MACROD2: variants seen among roughly 807,000 people sequenced by gnomAD.
MACROD2 encodes ADP-ribose glycohydrolase MACROD2.
MACROD2 carries 36 observed loss-of-function variants against 70.4 expected under a neutral mutation model. The observed-to-expected ratio is 0.51, with a 90% CI of 0.39 to 0.68. The LOEUF (loss-of-function observed/expected upper bound fraction) is 0.68. Ranked by LOEUF, MACROD2 falls within the 30% of genes least tolerant of loss-of-function variation. The pLI, the probability that MACROD2 is intolerant of heterozygous loss-of-function variation, is 0.00. For missense variants in MACROD2, 496 were observed against 538.4 expected, an observed-to-expected ratio of 0.92 and a Z score of 0.78; for synonymous variants, 172 against 178.8, an observed-to-expected ratio of 0.96 and a Z score of 0.30.
At chr20:15,029,067 G>A (rs529146650) in intron 5 of MACROD2, among the ~76,000 whole-genome samples, 1 of 152,290 alleles carries the variant, frequency 6.6e-6, no homozygotes, top group East Asian at 1.9e-4. Flanking sequence ...GGCATGGGGA[G>A]CAAGTTCACA....
intron 4 of MACROD2, among the ~76,000 whole-genome samples, chr20:14,522,061 G>A (rs970190847): frequency 6.6e-6 from 1 of 152,152 alleles, no homozygotes; most frequent in East Asian, 1.9e-4. Context: ...TGAGAGGACA[G>A]GCAGGACTCC....
At chr20:14,489,836 A>G (rs2084774344) in intron 3 of MACROD2, among the ~76,000 whole-genome samples, 1 of 151,166 alleles carries the variant, frequency 6.6e-6, no homozygotes, top group Non-Finnish European at 1.5e-5. Context: ...CTGGGCAAAA[A>G]GAAAAAAAAT....
intron 8 of MACROD2, among the ~76,000 whole-genome samples, chr20:15,766,799 C>T (rs1373762184): frequency 6.6e-6 from 1 of 152,184 alleles, no homozygotes; most frequent in Non-Finnish European, 1.5e-5. Context: ...AGTATAATGG[C>T]TTAAAAACAG....
chr20:14,299,565 A>G (rs1434343942), intron 3 of MACROD2, among the ~76,000 whole-genome samples: 6 of 152,178 alleles, frequency 3.9e-5, no homozygotes, highest in Non-Finnish European at 8.8e-5. Flanking sequence ...AATATTATAT[A>G]CACTTAGTTG....
At chr20:15,619,559 C>T (rs3803976) in intron 8 of MACROD2, 36,286 of 410,594 alleles carry the variant, frequency 0.088, 2,197 homozygotes, top group East Asian at 0.12. Flanking sequence ...GGGATGTGGT[C>T]ACCAGTCATC....
intron 15 of MACROD2, among the ~76,000 whole-genome samples, chr20:16,018,081 A>G (rs998111551): frequency 1.3e-5 from 2 of 152,182 alleles, no homozygotes; most frequent in Non-Finnish European, 2.9e-5. Context: ...CATCAAATTC[A>G]TTTCACTTGA....
chr20:15,285,433 T>G (rs2077482021), intron 6 of MACROD2, among the ~76,000 whole-genome samples: 1 of 152,190 alleles, frequency 6.6e-6, no homozygotes. Flanking sequence ...TGAACTAGCT[T>G]TATCATCGTG....
intron 8 of MACROD2, among the ~76,000 whole-genome samples, chr20:15,823,510 G>C (rs988576998): frequency 9.2e-5 from 14 of 152,048 alleles, no homozygotes; most frequent in African/African-American, 2.7e-4. Flanking sequence ...TCCATTCTTT[G>C]ATCAAACATG....
intron 3 of MACROD2, among the ~76,000 whole-genome samples, chr20:14,143,597 T>C (rs2054905345): frequency 6.6e-6 from 1 of 152,180 alleles, no homozygotes; most frequent in African/African-American, 2.4e-5. Flanking sequence ...AGTGTGTTTA[T>C]TTCATTGTAA....
In MACROD2 at chr20:14,616,367, T is replaced by C. The variant is rs572894920; in HGVS notation, c.302-68476T>C. On this transcript the variant is annotated intron_variant, in intron 4 of 17. Coordinates refer to ENST00000684519, the MANE Select transcript of MACROD2 (RefSeq NM_001351661.2). ...TATCTTCCTTCTTCCCTGTCAAAAA[T>C]GGTCGCTTATACCACAGTGATGGTT... 5.9e-4 allele frequency among the ~76,000 whole-genome samples: 90 copies of C among 152,264 alleles called. 1 individual carries two copies. The highest frequency in any genetic ancestry group is 1.0e-3 in the Non-Finnish European group (71 of 68,002).
intron 3 of MACROD2, among the ~76,000 whole-genome samples, chr20:14,107,371 A>G (rs1257004509): frequency 6.6e-6 from 1 of 152,176 alleles, no homozygotes; most frequent in Non-Finnish European, 1.5e-5. Context: ...AGAAAAAAGT[A>G]TAGAAAAGAA....
At chr20:15,251,026 G>C (rs1227940268) in intron 6 of MACROD2, among the ~76,000 whole-genome samples, 1 of 152,168 alleles carries the variant, frequency 6.6e-6, no homozygotes, top group Non-Finnish European at 1.5e-5. Flanking sequence ...TTCCAAGAGA[G>C]AGTAGGAATG....
At chr20:14,029,003 C>T (rs142416501) in intron 2 of MACROD2, among the ~76,000 whole-genome samples, 4 of 152,194 alleles carry the variant, frequency 2.6e-5, no homozygotes, top group African/African-American at 7.2e-5. Context: ...TCTTCTTAAC[C>T]ATTGATACTG....
At chr20:15,432,136 C>T (rs534067544) in intron 7 of MACROD2, among the ~76,000 whole-genome samples, 1 of 152,096 alleles carries the variant, frequency 6.6e-6, no homozygotes, top group African/African-American at 2.4e-5. Flanking sequence ...AAATAGATTA[C>T]ATTCTTTCTG....
intron 3 of MACROD2, among the ~76,000 whole-genome samples, chr20:14,475,334 A>G: frequency 7.6e-6 from 1 of 132,142 alleles, no homozygotes. Context: ...ATTAATTAAT[A>G]TAATTATTTT....
intron 3 of MACROD2, among the ~76,000 whole-genome samples, chr20:14,405,019 G>T (rs1945524457): frequency 6.6e-6 from 1 of 152,040 alleles, no homozygotes; most frequent in African/African-American, 2.4e-5. Context: ...AGCTATGATT[G>T]TGTCATAAAA....
At chr20:15,426,275 A>G (rs529421756) in intron 6 of MACROD2, among the ~76,000 whole-genome samples, 1 of 151,946 alleles carries the variant, frequency 6.6e-6, no homozygotes, top group East Asian at 1.9e-4. Flanking sequence ...CTATAAAAGT[A>G]TTTCCCACTT....
chr20:14,214,515 A>G (rs2081598095), intron 3 of MACROD2, among the ~76,000 whole-genome samples: 1 of 151,518 alleles, frequency 6.6e-6, no homozygotes, highest in Non-Finnish European at 1.5e-5. Flanking sequence ...AAATGAAGAC[A>G]TTTAATTTTT....
intron 5 of MACROD2, among the ~76,000 whole-genome samples, chr20:15,074,318 C>T (rs368211804): frequency 6.6e-6 from 1 of 152,098 alleles, no homozygotes; most frequent in African/African-American, 2.4e-5. Flanking sequence ...ATCATGCGTA[C>T]CTAATGAAGC....
Sources: gnomAD v4.1 joint callset for allele counts (sites outside exome capture counted in the v4.1 genomes callset) on GRCh38, gnomAD v4.1.1 for gene constraint, MANE v1.5 for transcripts, NCBI Gene and HGNC (gene_info 2026-07-23, HGNC 2026-07-21) for gene names.